The following SAMD12 variants were observed in gnomAD, a reference collection of about 807,000 sequenced individuals.
SAMD12 encodes sterile alpha motif domain-containing protein 12.
Under a neutral mutation model 15.0 loss-of-function variants are expected in SAMD12, and 9 were observed. That is an observed-to-expected ratio of 0.60 (90% CI 0.36 to 1.05). SAMD12 has a LOEUF of 1.05. Ranked by LOEUF, SAMD12 falls within the 50% of genes least tolerant of loss-of-function variation. The probability of loss-of-function intolerance (pLI) is 0.01; values close to 1 mark genes in which losing one functional copy is unlikely to be tolerated. For missense variants in SAMD12, 230 were observed against 234.2 expected, an observed-to-expected ratio of 0.98 and a Z score of 0.12; for synonymous variants, 86 against 90.1, an observed-to-expected ratio of 0.96 and a Z score of 0.25.
intron 2 of SAMD12, among the ~76,000 whole-genome samples, chr8:118,453,428 T>G (rs1004963254): frequency 6.6e-6 from 1 of 152,232 alleles, no homozygotes; most frequent in Non-Finnish European, 1.5e-5. Context: ...TAAATAGACT[T>G]TCTTTTTTCA....
the SAMD12 span, among the ~76,000 whole-genome samples, chr8:118,168,715 GA>G: frequency 2.6e-5 from 4 of 151,458 alleles, no homozygotes; most frequent in African/African-American, 4.9e-5. Flanking sequence ...ATAAGCTTAG[GA>G]AAAAAAACTT....
downstream of SAMD12, among the ~76,000 whole-genome samples, chr8:118,185,741 T>A (rs182646201): frequency 2.0e-5 from 3 of 152,354 alleles, no homozygotes; most frequent in Non-Finnish European, 4.4e-5. Context: ...CTGTTCCCCC[T>A]TCTCCATCCA....
the SAMD12 span, among the ~76,000 whole-genome samples, chr8:118,159,827 C>T: frequency 6.6e-6 from 1 of 150,832 alleles, no homozygotes; most frequent in African/African-American, 2.4e-5. Context: ...TCAAGCGATT[C>T]TCCTGCCTCA....
chr8:118,494,394 A>G (rs112602956), intron 2 of SAMD12, among the ~76,000 whole-genome samples: 2,576 of 152,278 alleles, frequency 0.017, 75 homozygotes, highest in African/African-American at 0.056. Flanking sequence ...TATATACAAC[A>G]GCTTCACCTG....
intron 1 of SAMD12, among the ~76,000 whole-genome samples, chr8:118,604,657 C>T (rs1160116105): frequency 1.3e-5 from 2 of 152,164 alleles, no homozygotes; most frequent in African/African-American, 4.8e-5. Flanking sequence ...CGCGGTGGCT[C>T]GCGCCTGTAA....
At chr8:118,351,380 G>A (rs976758121) in intron 4 of SAMD12, among the ~76,000 whole-genome samples, 1 of 152,182 alleles carries the variant, frequency 6.6e-6, no homozygotes, top group African/African-American at 2.4e-5. Flanking sequence ...TTGGAATTGG[G>A]ATGGGAAGCG....
chr8:118,524,040 C>A (rs1207169731), intron 2 of SAMD12, among the ~76,000 whole-genome samples: 1 of 152,092 alleles, frequency 6.6e-6, no homozygotes, highest in East Asian at 1.9e-4. Context: ...TTTTATATCT[C>A]CCATGTTAAA....
At chr8:118,536,956 A>G (rs951344843) in intron 2 of SAMD12, among the ~76,000 whole-genome samples, 1 of 152,196 alleles carries the variant, frequency 6.6e-6, no homozygotes, top group Non-Finnish European at 1.5e-5. Flanking sequence ...TTCTTGTAGG[A>G]CAGGTCTGGT....
chr8:118,225,880 T>C (rs572660225), intron 4 of SAMD12, among the ~76,000 whole-genome samples: 1 of 152,096 alleles, frequency 6.6e-6, no homozygotes, highest in Non-Finnish European at 1.5e-5. Context: ...AGATGGGAAG[T>C]AACTTGGCTA....
intron 3 of SAMD12, among the ~76,000 whole-genome samples, chr8:118,430,807 T>G (rs1158064848): frequency 6.6e-6 from 1 of 152,222 alleles, no homozygotes; most frequent in East Asian, 1.9e-4. Flanking sequence ...AGTGTGTTTC[T>G]TCTAGAGAGC....
intron 2 of SAMD12, among the ~76,000 whole-genome samples, chr8:118,524,291 G>A (rs1030428473): frequency 7.2e-5 from 11 of 152,078 alleles, no homozygotes; most frequent in East Asian, 5.8e-4. Context: ...CTCAGGCGCC[G>A]TAATTAACAA....
At chr8:118,548,874 T>C (rs996357352) in intron 2 of SAMD12, among the ~76,000 whole-genome samples, 7 of 152,220 alleles carry the variant, frequency 4.6e-5, no homozygotes, top group African/African-American at 1.7e-4. Flanking sequence ...CACGAGATTA[T>C]ATCCCGCACC....
intron 4 of SAMD12, among the ~76,000 whole-genome samples, chr8:118,356,779 A>C (rs1818248994): frequency 6.6e-6 from 1 of 152,176 alleles, no homozygotes; most frequent in Non-Finnish European, 1.5e-5. Context: ...TTTCCAGGAC[A>C]ACTCTCTGCT....
At chr8:118,543,631 C>T (rs58873667) in intron 2 of SAMD12, among the ~76,000 whole-genome samples, 39 of 116,612 alleles carry the variant, frequency 3.3e-4, no homozygotes, top group African/African-American at 9.1e-4. Flanking sequence ...TTCTTTCTTT[C>T]TTTTTTTTTT....
chr8:118,263,314 A>T (rs1322546489), intron 4 of SAMD12, among the ~76,000 whole-genome samples: 1 of 152,162 alleles, frequency 6.6e-6, no homozygotes, highest in Admixed American at 6.6e-5. Context: ...CAATAACAGA[A>T]GGTAGAGAAA....
At chr8:118,606,637 G>A (rs989727413) in intron 1 of SAMD12, among the ~76,000 whole-genome samples, 1 of 151,852 alleles carries the variant, frequency 6.6e-6, no homozygotes, top group Admixed American at 6.6e-5. Flanking sequence ...AGCCAGATGA[G>A]GCAGGATTCA....
the SAMD12 span, among the ~76,000 whole-genome samples, chr8:118,138,821 A>G: frequency 6.6e-6 from 1 of 152,332 alleles, no homozygotes; most frequent in East Asian, 1.9e-4. Flanking sequence ...CACATTCACC[A>G]TCATAGCTGC....
chr8:118,516,035 T>C (rs1235500848), intron 2 of SAMD12, among the ~76,000 whole-genome samples: 1 of 152,274 alleles, frequency 6.6e-6, no homozygotes, highest in Non-Finnish European at 1.5e-5. Flanking sequence ...ATGAGAACTG[T>C]GATTTCCAGT....
intron 2 of SAMD12, among the ~76,000 whole-genome samples, chr8:118,507,290 G>C (rs1326308725): frequency 2.0e-5 from 3 of 151,988 alleles, no homozygotes; most frequent in Non-Finnish European, 2.9e-5. Flanking sequence ...CTCTGCGTTA[G>C]AGTGATCTCT....
Sources: allele counts gnomAD v4.1 joint callset (sites outside exome capture counted in the v4.1 genomes callset), GRCh38; gene constraint gnomAD v4.1.1; transcripts MANE v1.5; gene names NCBI Gene and HGNC (gene_info 2026-07-23, HGNC 2026-07-21).